BRINP3: variants seen among roughly 807,000 people sequenced by gnomAD.
BRINP3 encodes the protein BMP/retinoic acid-inducible neural-specific protein 3.
A neutral mutation model predicts 71.0 loss-of-function variants in BRINP3; 19 were observed. That is an observed-to-expected ratio of 0.27 (90% CI 0.19 to 0.39). The LOEUF (loss-of-function observed/expected upper bound fraction) is 0.39, where lower values mean the gene tolerates loss of function less well. Ranked by LOEUF, BRINP3 falls within the 10% of genes least tolerant of loss-of-function variation. BRINP3 has a pLI of 1.00. For synonymous variants in BRINP3, 380 were observed against 337.7 expected (o/e 1.13, Z -1.37); for missense variants, 959 against 940.8 (o/e 1.02, Z -0.25).
chr1:190,224,947 T>A (rs1299508229), intron 6 of BRINP3, among the ~76,000 whole-genome samples: 7 of 151,672 alleles, frequency 4.6e-5, no homozygotes, highest in African/African-American at 1.7e-4. Flanking sequence ...AACTACAATT[T>A]AAAATGGGTT....
intron 2 of BRINP3, among the ~76,000 whole-genome samples, chr1:190,284,045 A>G (rs1044781637): frequency 6.6e-6 from 1 of 152,018 alleles, no homozygotes; most frequent in African/African-American, 2.4e-5. Context: ...GTAATATTTT[A>G]TATCCTGTAT....
At chr1:190,447,384 T>C (rs1054753114) in intron 2 of BRINP3, among the ~76,000 whole-genome samples, 6 of 147,462 alleles carry the variant, frequency 4.1e-5, no homozygotes, top group African/African-American at 1.2e-4. Context: ...TAGCTTATTA[T>C]ACACTAGAAA....
chr1:190,248,654 T>G (rs1659836484), intron 4 of BRINP3, among the ~76,000 whole-genome samples: 1 of 151,792 alleles, frequency 6.6e-6, no homozygotes, highest in Non-Finnish European at 1.5e-5. Flanking sequence ...TTGCATTATG[T>G]CACATTTGTT....
chr1:190,210,619 A>G (rs946685649), intron 6 of BRINP3, among the ~76,000 whole-genome samples: 1 of 152,108 alleles, frequency 6.6e-6, no homozygotes, highest in Non-Finnish European at 1.5e-5. Context: ...GCTCTTCTTC[A>G]TACCTGAATG....
intron 1 of BRINP3, chr1:190,475,848 T>A (rs1386133014): frequency 1.3e-5 from 2 of 152,466 alleles, no homozygotes; most frequent in African/African-American, 2.4e-5. Flanking sequence ...TTTTTCTTTT[T>A]TTTTTCCTCC....
At chr1:190,403,673 AGAGAAAACT>A (rs1161655939) in intron 2 of BRINP3, among the ~76,000 whole-genome samples, 2 of 152,228 alleles carry the variant, frequency 1.3e-5, no homozygotes, top group Admixed American at 6.5e-5. Flanking sequence ...TAAACTTTCT[AGAGAAAACT>A]GAGAAAATGA....
intron 7 of BRINP3, among the ~76,000 whole-genome samples, chr1:190,141,711 C>T (rs531134626): frequency 6.6e-6 from 1 of 151,726 alleles, no homozygotes; most frequent in Non-Finnish European, 1.5e-5. Flanking sequence ...AGGCGTGTGC[C>T]ATCATGCTGG....
At chr1:190,321,099 C>T (rs1217745151) in intron 2 of BRINP3, among the ~76,000 whole-genome samples, 1 of 151,814 alleles carries the variant, frequency 6.6e-6, no homozygotes, top group Non-Finnish European at 1.5e-5. Flanking sequence ...ATTTTTTATG[C>T]TGTATAGGGG....
chr1:190,171,610 G>T (rs1396353299), intron 6 of BRINP3, among the ~76,000 whole-genome samples: 2 of 151,998 alleles, frequency 1.3e-5, no homozygotes, highest in Non-Finnish European at 2.9e-5. Context: ...CTACTGAAGT[G>T]TTACATATAT....
At chr1:190,145,010 C>T (rs1655767855) in intron 7 of BRINP3, among the ~76,000 whole-genome samples, 1 of 152,166 alleles carries the variant, frequency 6.6e-6, no homozygotes, top group Admixed American at 6.6e-5. Context: ...AGATACCTAA[C>T]CCCTGGCATG....
intron 2 of BRINP3, among the ~76,000 whole-genome samples, chr1:190,385,076 G>T (rs1005554873): frequency 6.6e-6 from 1 of 151,958 alleles, no homozygotes; most frequent in African/African-American, 2.4e-5. Context: ...ATTCAAGATG[G>T]ATTGATTTTT....
At chr1:190,430,678 G>C (rs1674036851) in intron 2 of BRINP3, among the ~76,000 whole-genome samples, 1 of 152,124 alleles carries the variant, frequency 6.6e-6, no homozygotes, top group South Asian at 2.1e-4. Context: ...TATTATAAGG[G>C]ATAATTTCCA....
intron 7 of BRINP3, among the ~76,000 whole-genome samples, chr1:190,124,656 T>C (rs945081344): frequency 6.6e-6 from 1 of 152,066 alleles, no homozygotes; most frequent in Admixed American, 6.6e-5. Flanking sequence ...TAATAAATAG[T>C]TTTGAACACA....
chr1:190,362,632 G>A (rs922315772), intron 2 of BRINP3, among the ~76,000 whole-genome samples: 1 of 152,152 alleles, frequency 6.6e-6, no homozygotes, highest in African/African-American at 2.4e-5. Context: ...TGTTGTGGGA[G>A]GAACCCGGTG....
At chr1:190,251,702 T>C (rs1345068981) in intron 4 of BRINP3, among the ~76,000 whole-genome samples, 1 of 151,864 alleles carries the variant, frequency 6.6e-6, no homozygotes, top group Non-Finnish European at 1.5e-5. Context: ...TACTGACAGG[T>C]AGATAAATCA....
chr1:190,177,147 C>CT (rs1558037415), intron 6 of BRINP3, among the ~76,000 whole-genome samples: 3 of 129,886 alleles, frequency 2.3e-5, no homozygotes, highest in African/African-American at 8.8e-5. Context: ...GAAGCACCCA[C>CT]TTCTTTTTTT....
At chr1:190,227,290 A>T (rs1657481553) in intron 5 of BRINP3, among the ~76,000 whole-genome samples, 1 of 152,012 alleles carries the variant, frequency 6.6e-6, no homozygotes, top group South Asian at 2.1e-4. Context: ...AATAAAAATC[A>T]TTGATTAACA....
chr1:190,387,532 GA>G (rs2102286384), intron 2 of BRINP3, among the ~76,000 whole-genome samples: 1 of 152,006 alleles, frequency 6.6e-6, no homozygotes, highest in East Asian at 1.9e-4. Flanking sequence ...ACCATTATGA[GA>G]AGGTGAAAGG....
At chr1:190,273,329 G>C (rs910373874) in intron 3 of BRINP3, among the ~76,000 whole-genome samples, 2 of 151,386 alleles carry the variant, frequency 1.3e-5, no homozygotes, top group East Asian at 3.9e-4. Flanking sequence ...AGCATGACAT[G>C]GGTTCCAAAG....
Sources: gnomAD v4.1 joint callset for allele counts (sites outside exome capture counted in the v4.1 genomes callset) on GRCh38, gnomAD v4.1.1 for gene constraint, MANE v1.5 for transcripts, NCBI Gene and HGNC (gene_info 2026-07-23, HGNC 2026-07-21) for gene names.